HS6ST2: variants seen among roughly 807,000 people sequenced by gnomAD.
The protein encoded by HS6ST2 is heparan-sulfate 6-O-sulfotransferase 2.
A neutral mutation model predicts 33.0 loss-of-function variants in HS6ST2; 17 were observed. The ratio of observed to expected loss-of-function variants is 0.52; its 90% CI spans 0.35 to 0.77. HS6ST2 has a LOEUF of 0.77. Ranked by LOEUF, HS6ST2 falls within the 30% of genes least tolerant of loss-of-function variation. The pLI is 0.01. For synonymous variants in HS6ST2, 248 were observed against 237.1 expected (o/e 1.05, Z -0.42); for missense variants, 519 against 551.7 (o/e 0.94, Z 0.59).
chrX:132,721,897 C>T (rs770387119), intron 2 of HS6ST2, among the ~76,000 whole-genome samples: 1 of 111,673 alleles, frequency 9.0e-6, no homozygotes, highest in Admixed American at 9.5e-5. Flanking sequence ...TCTTAAAGAA[C>T]CAGAGAAACG....
intron 2 of HS6ST2, among the ~76,000 whole-genome samples, chrX:132,797,608 G>C (rs1386958972): frequency 1.8e-5 from 2 of 112,045 alleles, no homozygotes; most frequent in African/African-American, 6.5e-5. Flanking sequence ...GTGTGCATTA[G>C]GAGAAGGAGG....
chrX:132,719,463 T>G (rs956732085), intron 2 of HS6ST2, among the ~76,000 whole-genome samples: 1 of 111,911 alleles, frequency 8.9e-6, no homozygotes, highest in African/African-American at 3.3e-5. Context: ...CATTGTTTAA[T>G]TAGAAGAATA....
chrX:132,696,139 G>T (rs1406171959), intron 3 of HS6ST2, among the ~76,000 whole-genome samples: 1 of 111,838 alleles, frequency 8.9e-6, no homozygotes, highest in Non-Finnish European at 1.9e-5. Flanking sequence ...TATCAAAAGC[G>T]ATGAGACGAT....
intron 2 of HS6ST2, among the ~76,000 whole-genome samples, chrX:132,810,163 T>C (rs939201390): frequency 1.8e-5 from 2 of 111,774 alleles, no homozygotes; most frequent in Non-Finnish European, 1.9e-5. Context: ...CCCAGTGCTT[T>C]GACAGGCCGA....
chrX:132,875,245 T>A (rs1415576825), intron 2 of HS6ST2, among the ~76,000 whole-genome samples: 1 of 111,390 alleles, frequency 9.0e-6, no homozygotes, highest in Non-Finnish European at 1.9e-5. Flanking sequence ...TGTTTATGCA[T>A]CCCCCAGAGT....
chrX:132,856,468 TAAAC>T (rs1287099355), intron 2 of HS6ST2, among the ~76,000 whole-genome samples: 1 of 111,690 alleles, frequency 9.0e-6, no homozygotes, highest in African/African-American at 3.3e-5. Flanking sequence ...AACTGAAACT[TAAAC>T]AATGTGAGAA....
chrX:132,766,212 A>G (rs1018140850), intron 2 of HS6ST2, among the ~76,000 whole-genome samples: 2 of 112,756 alleles, frequency 1.8e-5, no homozygotes, highest in Admixed American at 9.4e-5. Context: ...ATATTACTAC[A>G]GGGATCCCAG....
chrX:132,803,590 G>A (rs916477515), intron 2 of HS6ST2, among the ~76,000 whole-genome samples: 1 of 111,188 alleles, frequency 9.0e-6, no homozygotes, highest in Non-Finnish European at 1.9e-5. Flanking sequence ...TGTATTTTTA[G>A]TAGAGATGGG....
chrX:132,629,062 G>A lies in HS6ST2; in HGVS notation c.1099C>T (p.Pro367Ser), dbSNP rs1202222055. 1 of 1,197,533 alleles carries A rather than the reference G, an allele frequency of 8.4e-7. No individual in the cohort carries two copies. Among genetic ancestry groups the A allele is most frequent in the Non-Finnish European group, 1.1e-6 (1 of 888,024 alleles). The change falls in exon 5 of 5, where the codon CCA (proline) becomes TCA (serine). Residue 367 changes from proline (P) to serine (S), a missense_variant. Physicochemically the swap from Pro to Ser is moderately conservative, Grantham distance 74. Coordinates refer to ENST00000370833, the MANE Select transcript of HS6ST2 (RefSeq NM_001394073.1). ...CACTCACTCAAGTACCGGGACACTG[G>A]GTCTCGGAGGATGGTGATGTAGTGG... ...NFHYITILRD[P>S]VSRYLSEWRH...
chrX:132,664,471 G>A (rs993388438), intron 4 of HS6ST2, among the ~76,000 whole-genome samples: 6 of 111,839 alleles, frequency 5.4e-5, no homozygotes, highest in African/African-American at 1.6e-4. Flanking sequence ...AGGTACTTCC[G>A]GCAAAGGCAG....
chrX:132,752,266 G>A (rs778498452), intron 2 of HS6ST2, among the ~76,000 whole-genome samples: 1 of 110,807 alleles, frequency 9.0e-6, no homozygotes, highest in African/African-American at 3.3e-5. Flanking sequence ...GAGGTCAGGA[G>A]TTCGAGACCA....
rs763339335 is a variant in HS6ST2 at position 132,635,997 on chromosome X, A to G, written c.1068-6904T>C. ...TTCCTTGACCTCCCTGGATGGAGTT[A>G]AGCACCCCCTTCTCTGCTCCAGACG... is the stretch of plus-strand genomic sequence containing the variant. On this transcript the variant is annotated intron_variant, in intron 4 of 4. Coordinates refer to ENST00000370833, the MANE Select transcript of HS6ST2 (RefSeq NM_001394073.1). Among the ~76,000 whole-genome samples, 8 of 110,847 alleles carry G rather than the reference A, an allele frequency of 7.2e-5. No individual in the cohort carries two copies. In the South Asian group the frequency reaches 3.1e-3, roughly 43 times the overall value.
At chrX:132,911,797 C>G (rs2066537659) in intron 2 of HS6ST2, among the ~76,000 whole-genome samples, 1 of 110,761 alleles carries the variant, frequency 9.0e-6, no homozygotes, top group African/African-American at 3.3e-5. Context: ...GCCACCACGC[C>G]TGGCTAATTT....
At chrX:132,936,370 A>G (rs2066822209) in intron 2 of HS6ST2, among the ~76,000 whole-genome samples, 1 of 111,277 alleles carries the variant, frequency 9.0e-6, no homozygotes, top group Admixed American at 9.6e-5. Flanking sequence ...CCAGGCCCAT[A>G]TGTTTCTCTA....
intron 4 of HS6ST2, among the ~76,000 whole-genome samples, chrX:132,645,673 C>A (rs1205278792): frequency 8.9e-6 from 1 of 112,022 alleles, no homozygotes; most frequent in Non-Finnish European, 1.9e-5. Context: ...TGGGCAGGTA[C>A]ATTTTTGGGA....
At chrX:132,725,218 T>C (rs1473155073) in intron 2 of HS6ST2, among the ~76,000 whole-genome samples, 1 of 110,530 alleles carries the variant, frequency 9.0e-6, no homozygotes, top group Non-Finnish European at 1.9e-5. Context: ...AGAGAAATAA[T>C]ATAATATAAT....
chrX:132,664,860 A>ATG (rs2063798138), intron 4 of HS6ST2, among the ~76,000 whole-genome samples: 1 of 111,877 alleles, frequency 8.9e-6, no homozygotes, highest in Non-Finnish European at 1.9e-5. Context: ...ATGCCTCTGA[A>ATG]TGTCATACGT....
At chrX:132,861,290 G>T (rs2065908831) in intron 2 of HS6ST2, among the ~76,000 whole-genome samples, 1 of 112,084 alleles carries the variant, frequency 8.9e-6, no homozygotes, top group African/African-American at 3.2e-5. Context: ...CAGCATTTTA[G>T]ATTGCTTCCC....
At chrX:132,723,903 G>A (rs758205903) in intron 2 of HS6ST2, among the ~76,000 whole-genome samples, 60 of 111,486 alleles carry the variant, frequency 5.4e-4, no homozygotes, top group African/African-American at 1.4e-3. Context: ...TTGGGAGGCC[G>A]AGGCAGGCGG....
Sources: allele counts gnomAD v4.1 joint callset (sites outside exome capture counted in the v4.1 genomes callset), GRCh38; gene constraint gnomAD v4.1.1; transcripts MANE v1.5; gene names NCBI Gene and HGNC (gene_info 2026-07-23, HGNC 2026-07-21).